FOXN2: variants seen among roughly 807,000 people sequenced by gnomAD.
FOXN2 encodes forkhead box N2.
In FOXN2, 19 loss-of-function variants were observed where a neutral mutation model predicts 41.2. That is an observed-to-expected ratio of 0.46 (90% CI 0.32 to 0.68). FOXN2 has a LOEUF of 0.68. FOXN2 is among the 30% of genes least tolerant of loss of function. The pLI is 0.03. For missense variants in FOXN2, 587 were observed against 509.4 expected, an observed-to-expected ratio of 1.15 and a Z score of -1.47; for synonymous variants, 195 against 176.8, an observed-to-expected ratio of 1.10 and a Z score of -0.82.
chr2:48,337,653 G>A (rs557316510), intron 2 of FOXN2, among the ~76,000 whole-genome samples: 2 of 152,030 alleles, frequency 1.3e-5, no homozygotes, highest in East Asian at 1.9e-4. Context: ...CATTTCTTTC[G>A]TTGATGGACA....
At chr2:48,362,912 C>G (rs1672288259) in intron 5 of FOXN2, among the ~76,000 whole-genome samples, 1 of 152,186 alleles carries the variant, frequency 6.6e-6, no homozygotes, top group Non-Finnish European at 1.5e-5. Context: ...ACTCACTGCA[C>G]TGCTAGTCCT....
rs1405757709 is a variant in FOXN2, at chr2:48,378,229, CT to C, written c.*2790del. The C allele has an allele frequency of 6.6e-6, 1 of 152,072 alleles. No individual in the cohort carries two copies. The highest frequency in any genetic ancestry group is 1.5e-5 in the Non-Finnish European group (1 of 67,840). 9.4% of individuals were successfully genotyped at this position (152,072 alleles called of 1,614,324 possible). On this transcript the variant is annotated 3_prime_UTR_variant, in exon 7 of 7. Coordinates refer to ENST00000340553, the MANE Select transcript of FOXN2 (RefSeq NM_002158.4). ...TATTACTAAATCAGTTATTATTTTA[CT>C]TTTCCAAATTCAGAGAAAGAAAACA...
intron 2 of FOXN2, among the ~76,000 whole-genome samples, chr2:48,343,760 T>TC (rs1670917652): frequency 6.8e-6 from 1 of 146,676 alleles, no homozygotes; most frequent in African/African-American, 2.6e-5. Flanking sequence ...CCCTGTCTCT[T>TC]TAAAAAAAAA....
chr2:48,331,451 C>T (rs564025601), intron 2 of FOXN2, among the ~76,000 whole-genome samples: 8 of 152,182 alleles, frequency 5.3e-5, no homozygotes, highest in East Asian at 1.9e-4. Context: ...CATAATTAAT[C>T]GAACCAAGTT....
chr2:48,355,179 A>T (rs1462825160), intron 3 of FOXN2, among the ~76,000 whole-genome samples: 1 of 152,178 alleles, frequency 6.6e-6, no homozygotes, highest in Non-Finnish European at 1.5e-5. Context: ...TTGTGATAAT[A>T]CTCAAAAGGG....
At chr2:48,340,109 C>T (rs920683082) in intron 2 of FOXN2, among the ~76,000 whole-genome samples, 3 of 152,274 alleles carry the variant, frequency 2.0e-5, no homozygotes, top group East Asian at 1.9e-4. Context: ...TTTGTTAACT[C>T]GGTCTTTAAT....
chr2:48,325,995 C>T (rs1669648449), intron 1 of FOXN2, among the ~76,000 whole-genome samples: 2 of 152,114 alleles, frequency 1.3e-5, no homozygotes, highest in African/African-American at 2.4e-5. Context: ...GTTAAAGGCA[C>T]ATGCCACCAC....
rs2104557147 is a variant in FOXN2 at position 48,377,368 on chromosome 2, A to C, written c.*1925A>C. On this transcript the variant is annotated 3_prime_UTR_variant, in exon 7 of 7. Transcript: ENST00000340553. Reference sequence around the variant, plus strand: ...ACACATCATCTTAATAACTATTTTTAAGTTATTTACCATAGCCTCTGTATA... The same window carrying C: ...ACACATCATCTTAATAACTATTTTTCAGTTATTTACCATAGCCTCTGTATA... The C allele has an allele frequency of 6.6e-6, 1 of 152,164 alleles. No homozygotes were observed. The highest frequency in any genetic ancestry group is 2.4e-5 in the African/African-American group (1 of 41,570). The allele number at this position is 152,164 out of a possible 1,614,324, so 9.4% of individuals were successfully genotyped here. A position where few individuals can be genotyped will look rare whatever the true frequency, so the allele number is the denominator to read the frequency against.
chr2:48,373,665 T>C (rs1420146019), intron 6 of FOXN2, among the ~76,000 whole-genome samples: 1 of 152,134 alleles, frequency 6.6e-6, no homozygotes, highest in Non-Finnish European at 1.5e-5. Context: ...AAGTAAAGTA[T>C]ATTTATGAAC....
At chr2:48,320,115 G>C (rs944699471) in intron 1 of FOXN2, among the ~76,000 whole-genome samples, 1 of 151,862 alleles carries the variant, frequency 6.6e-6, no homozygotes, top group South Asian at 2.1e-4. Flanking sequence ...AGATTTTACT[G>C]GTCCTTTTGA....
At chr2:48,321,407 G>C (rs542359148) in intron 1 of FOXN2, among the ~76,000 whole-genome samples, 103 of 152,176 alleles carry the variant, frequency 6.8e-4, no homozygotes, top group African/African-American at 2.4e-3. Flanking sequence ...GTGGTGGCGA[G>C]TGCCTGTAGT....
At chr2:48,341,078 T>C (rs1670734385) in intron 2 of FOXN2, among the ~76,000 whole-genome samples, 1 of 152,178 alleles carries the variant, frequency 6.6e-6, no homozygotes, top group Non-Finnish European at 1.5e-5. Context: ...TTTTGGCCTT[T>C]TTTTTGAGTA....
At chr2:48,324,630 G>C (rs775277855) in intron 1 of FOXN2, among the ~76,000 whole-genome samples, 5 of 152,160 alleles carry the variant, frequency 3.3e-5, no homozygotes, top group Admixed American at 6.5e-5. Context: ...CAGCAAGTTA[G>C]AGCCAGGTTG....
chr2:48,349,952 T>C (rs1210516138), intron 3 of FOXN2, among the ~76,000 whole-genome samples: 1 of 152,192 alleles, frequency 6.6e-6, no homozygotes, highest in African/African-American at 2.4e-5. Flanking sequence ...TCCCTGACAT[T>C]CCCAGAAGAA....
intron 2 of FOXN2, 68 bp downstream of exon 2, chr2:48,328,770 C>G (rs1028873825): frequency 2.0e-5 from 3 of 150,672 alleles, no homozygotes; most frequent in African/African-American, 7.3e-5. Flanking sequence ...GTTTTTTTTT[C>G]TGCTTTTAAC....
At chr2:48,324,861 T>C (rs1490260610) in intron 1 of FOXN2, among the ~76,000 whole-genome samples, 1 of 152,148 alleles carries the variant, frequency 6.6e-6, no homozygotes, top group Non-Finnish European at 1.5e-5. Flanking sequence ...CACGGAGAGA[T>C]TGAAAGACTC....
At chr2:48,373,234 C>G (rs1460211746) in intron 5 of FOXN2, 58 bp from the exon 6 acceptor site, 3 of 1,256,904 alleles carry the variant, frequency 2.4e-6, no homozygotes, top group South Asian at 1.3e-5. Context: ...CATGCAAATA[C>G]TTAGAATAGC....
chr2:48,336,237 C>G (rs1670341028), intron 2 of FOXN2, among the ~76,000 whole-genome samples: 2 of 151,546 alleles, frequency 1.3e-5, no homozygotes, highest in African/African-American at 4.8e-5. Flanking sequence ...AACCCAGTGT[C>G]TACCAAAAAT....
intron 1 of FOXN2, among the ~76,000 whole-genome samples, chr2:48,326,753 C>T (rs747645239): frequency 5.9e-5 from 9 of 152,190 alleles, no homozygotes; most frequent in Non-Finnish European, 1.2e-4. Flanking sequence ...GTTTATTCAG[C>T]ATCTCCAAGG....
Sources: allele counts gnomAD v4.1 joint callset (sites outside exome capture counted in the v4.1 genomes callset), GRCh38; gene constraint gnomAD v4.1.1; transcripts MANE v1.5; gene names NCBI Gene and HGNC (gene_info 2026-07-23, HGNC 2026-07-21).